Variants in MYZAP observed in about 807,000 individuals in gnomAD.
MYZAP encodes myocardial zonula adherens protein, also known as GRINL1A complex locus upstream.
Under a neutral mutation model 69.4 loss-of-function variants are expected in MYZAP, and 66 were observed. The observed-to-expected ratio is 0.95, with a 90% CI of 0.78 to 1.17. The LOEUF is 1.17. MYZAP is among the 50% of genes most tolerant of loss of function. The pLI is 0.00. For missense variants in MYZAP, 611 were observed against 556.2 expected (o/e 1.10, Z -0.99); for synonymous variants, 256 against 205.9 (o/e 1.24, Z -2.09).
chr15:57,629,971 A>ATTTTTTTTTTTTT lies in MYZAP; in HGVS notation c.678+120_678+132dup, dbSNP rs59322468. 1,346 of 874,564 alleles carry ATTTTTTTTTTTTT rather than the reference A, an allele frequency of 1.5e-3. 16 individuals carry two copies. Among genetic ancestry groups the ATTTTTTTTTTTTT allele is most frequent in the African/African-American group, 5.4e-3 (237 of 43,672 alleles). 54.2% of individuals were successfully genotyped at this position (874,564 alleles called of 1,614,324 possible). On this transcript the variant is annotated intron_variant, in intron 6 of 12. Transcript: ENST00000267853. ...TTTTCTCCATTCTCTTCTTCATTGG[A>ATTTTTTTTTTTTT]TTTTTTTTTTTTTTTGAGACAGAGT...
In MYZAP at chr15:57,654,086, A is replaced by G. The variant is rs189971602; in HGVS notation, c.1120-7364A>G. 3.9e-3 allele frequency among the ~76,000 whole-genome samples: 562 copies of G among 142,464 alleles called. 5 individuals are homozygous for G. The highest frequency in any genetic ancestry group is 0.014 in the African/African-American group (547 of 38,502). The allele number at this position is 142,464 out of a possible 152,430, so 93.5% of individuals were successfully genotyped here. A position where few individuals can be genotyped will look rare whatever the true frequency, so the allele number is the denominator to read the frequency against. On this transcript the variant is annotated intron_variant, in intron 10 of 12. Coordinates refer to ENST00000267853, the MANE Select transcript of MYZAP (RefSeq NM_001018100.5). ...GGTGTTTTCTGATTGGTTAAATTTA[A>G]ATTTCATTTTCCTAAGCTGTGACCA...
chr15:57,672,925 G>A (rs554102651), intron 11 of MYZAP, among the ~76,000 whole-genome samples: 4 of 148,248 alleles, frequency 2.7e-5, no homozygotes, highest in Admixed American at 6.7e-5. Context: ...TTAGCACATC[G>A]TTCTATTATT....
intron 11 of MYZAP, among the ~76,000 whole-genome samples, chr15:57,664,475 A>G (rs1247399947): frequency 1.3e-5 from 2 of 152,146 alleles, no homozygotes; most frequent in African/African-American, 4.8e-5. Flanking sequence ...CACTCTGCCG[A>G]CGCTGTTCCT....
intron 10 of MYZAP, among the ~76,000 whole-genome samples, chr15:57,639,978 T>C (rs1206013995): frequency 6.6e-6 from 1 of 152,162 alleles, no homozygotes; most frequent in Non-Finnish European, 1.5e-5. Context: ...TGGGTGTGTC[T>C]TTCATTCCCT....
intron 12 of MYZAP, among the ~76,000 whole-genome samples, chr15:57,677,370 T>C (rs1255350161): frequency 1.3e-5 from 2 of 152,198 alleles, no homozygotes; most frequent in Non-Finnish European, 2.9e-5. Context: ...TCCCCATGTT[T>C]TATGGATGCC....
intron 1 of MYZAP, among the ~76,000 whole-genome samples, chr15:57,603,787 A>G (rs1388570512): frequency 6.6e-6 from 1 of 152,192 alleles, no homozygotes; most frequent in Non-Finnish European, 1.5e-5. Context: ...TAATGCTGCT[A>G]TGAACATGGG....
chr15:57,610,755 C>T (rs573793132), intron 2 of MYZAP, among the ~76,000 whole-genome samples: 4 of 152,276 alleles, frequency 2.6e-5, no homozygotes, highest in African/African-American at 9.6e-5. Flanking sequence ...TTGGCTGCCT[C>T]CATCAGGCCC....
rs2036275941 is a variant in MYZAP at position 57,628,233 on chromosome 15, C to T, written c.526-1469C>T. ...CTAAGGAGAGTTAACCAAGTAGAAACCAAAGCAGTAAATAGCACCACCATT... is the reference window on the plus strand; with the variant it reads ...CTAAGGAGAGTTAACCAAGTAGAAATCAAAGCAGTAAATAGCACCACCATT... On this transcript the variant is annotated intron_variant, in intron 5 of 12. Transcript: ENST00000267853. Among the ~76,000 whole-genome samples, 3 of 152,220 alleles carry T rather than the reference C, an allele frequency of 2.0e-5. No homozygotes were observed. The South Asian group carries it at 6.2e-4, about 32-fold the overall frequency.
chr15:57,610,239 G>A (rs1194456106), intron 2 of MYZAP, among the ~76,000 whole-genome samples: 2 of 152,206 alleles, frequency 1.3e-5, no homozygotes, highest in African/African-American at 4.8e-5. Flanking sequence ...GCGTGGGTAT[G>A]GATGTAGAGT....
intron 7 of MYZAP, among the ~76,000 whole-genome samples, chr15:57,632,782 C>G (rs371255710): frequency 6.6e-5 from 10 of 152,308 alleles, no homozygotes; most frequent in African/African-American, 1.4e-4. Flanking sequence ...GTCTCTGTCT[C>G]TAAATACACA....
chr15:57,647,781 A>G, intron 10 of MYZAP: 1 of 985,290 alleles, frequency 1.0e-6, no homozygotes, highest in South Asian at 4.7e-5. Context: ...ATCTTCTTAG[A>G]TCTGGGTTCC....
chr15:57,674,032 ATGAACATTTAGTCTAGCGTTAC>A (rs1380937612), intron 11 of MYZAP, among the ~76,000 whole-genome samples: 1 of 152,244 alleles, frequency 6.6e-6, no homozygotes, highest in Non-Finnish European at 1.5e-5. Flanking sequence ...TCACTGCTTC[ATGAACATTTAGTCTAGCGTTAC>A]TGAAAAATAT....
At chr15:57,601,957 G>A (rs1179386408) in intron 1 of MYZAP, among the ~76,000 whole-genome samples, 1 of 152,150 alleles carries the variant, frequency 6.6e-6, no homozygotes, top group African/African-American at 2.4e-5. Flanking sequence ...ACGTGGAAGT[G>A]CTAACATGGG....
chr15:57,637,605 T>A (rs1595895451), intron 8 of MYZAP, 90 bp from the exon 9 acceptor site: 5 of 1,437,408 alleles, frequency 3.5e-6, no homozygotes, highest in Non-Finnish European at 2.9e-6. Flanking sequence ...TCATATAGAC[T>A]TGGACTCCCT....
At chr15:57,625,941 G>T in intron 5 of MYZAP, 49 bp downstream of exon 5, 1 of 1,526,834 alleles carries the variant, frequency 6.5e-7, no homozygotes, top group Non-Finnish European at 9.1e-7. Context: ...TTAATCAAGA[G>T]TGGGGACTGT....
In MYZAP at chr15:57,632,340, A is replaced by G. The variant is rs1595889672; in HGVS notation, c.679-94A>G. On this transcript the variant is annotated intron_variant, in intron 6 of 12. Coordinates refer to ENST00000267853, the MANE Select transcript of MYZAP (RefSeq NM_001018100.5). ...GCAGAACCCAGTGGATGGGCTCACT[A>G]CCTCTGTGAGTCCCCACATGAAATG... is the stretch of plus-strand genomic sequence containing the variant. 5.1e-6 allele frequency: 8 copies of G among 1,573,414 alleles called. No individual in the cohort carries two copies. In the Admixed American group the frequency reaches 1.2e-4, roughly 24 times the overall value.
chr15:57,648,524 T>C, intron 10 of MYZAP: 1 of 963,940 alleles, frequency 1.0e-6, no homozygotes, highest in Non-Finnish European at 1.2e-6. Context: ...GAAGGTATTA[T>C]TCGCCCAGTT....
chr15:57,604,757 T>C (rs1481041923), intron 2 of MYZAP, among the ~76,000 whole-genome samples: 3 of 152,216 alleles, frequency 2.0e-5, no homozygotes, highest in Non-Finnish European at 4.4e-5. Flanking sequence ...CCGGGGGCTC[T>C]GCTCCCGCAG....
chr15:57,675,104 A>C (rs767630269), intron 12 of MYZAP, 36 bp downstream of exon 12: 8 of 1,550,012 alleles, frequency 5.2e-6, no homozygotes, highest in Non-Finnish European at 7.1e-6. Context: ...TTTTTATTCA[A>C]ATTCCTCTTT....
Sources: gnomAD v4.1 joint callset for allele counts (sites outside exome capture counted in the v4.1 genomes callset) on GRCh38, gnomAD v4.1.1 for gene constraint, MANE v1.5 for transcripts, NCBI Gene and HGNC (gene_info 2026-07-23, HGNC 2026-07-21) for gene names.